Variants in PEG3 observed in about 807,000 individuals in gnomAD.
PEG3 encodes paternally expressed 3, also known as paternally-expressed gene 3 protein.
In PEG3, 23 loss-of-function variants were observed where a neutral mutation model predicts 35.5. The observed-to-expected ratio is 0.65, with a 90% CI of 0.47 to 0.92. PEG3 has a LOEUF of 0.92. PEG3 is among the 40% of genes least tolerant of loss of function. PEG3 has a pLI of 0.00. For missense variants in PEG3, 1,960 were observed against 1,985.3 expected (o/e 0.99, Z 0.24); for synonymous variants, 707 against 697.0 (o/e 1.01, Z -0.23).
In PEG3 at chr19:56,813,164, T is replaced by G; in HGVS notation, c.*511A>C. Reference sequence around the variant, plus strand: ...AATCTTTCTCAGGATCTAAGACACTTAAAAATATAATCAAATTTGTTGCTC... The same window carrying G: ...AATCTTTCTCAGGATCTAAGACACTGAAAAATATAATCAAATTTGTTGCTC... On this transcript the variant is annotated 3_prime_UTR_variant, in exon 10 of 10. Coordinates refer to ENST00000326441, the MANE Select transcript of PEG3 (RefSeq NM_006210.3). The G allele has an allele frequency of 1.0e-6, 1 of 980,852 alleles. No individual in the cohort carries two copies. The highest frequency in any genetic ancestry group is 1.2e-6 in the Non-Finnish European group (1 of 827,034). The allele number at this position is 980,852 out of a possible 1,614,324, so 60.8% of individuals were successfully genotyped here.
chr19:56,813,211 A>G lies in PEG3; in HGVS notation c.*464T>C, dbSNP rs543726728. ...GCTCTCTTCCTCCTCCAAAAAAAAA[A>G]AAAATTCAAAGAATACCAGGTAAGG... is the stretch of plus-strand genomic sequence containing the variant. On this transcript the variant is annotated 3_prime_UTR_variant, in exon 10 of 10. Coordinates refer to ENST00000326441, the MANE Select transcript of PEG3 (RefSeq NM_006210.3). The G allele has an allele frequency of 3.1e-5, 31 of 984,394 alleles. No homozygotes were observed. In the South Asian group the frequency reaches 1.3e-3, roughly 42 times the overall value. 61.0% of individuals were successfully genotyped at this position (984,394 alleles called of 1,614,324 possible).
At chr19:56,835,057 C>T (rs2061950914) in intron 2 of PEG3, among the ~76,000 whole-genome samples, 1 of 152,066 alleles carries the variant, frequency 6.6e-6, no homozygotes, top group African/African-American at 2.4e-5. Flanking sequence ...TGAGGAGTCT[C>T]CCTCCTCAAC....
At chr19:56,824,116 A>G (rs1240774393) in intron 4 of PEG3, 146 bp downstream of exon 4, 34 of 1,354,774 alleles carry the variant, frequency 2.5e-5, no homozygotes, top group Non-Finnish European at 2.0e-6. Flanking sequence ...GATGCAGCTC[A>G]ATATCCCACA....
At chr19:56,818,074 C>T (rs1444183365) in intron 8 of PEG3, among the ~76,000 whole-genome samples, 1 of 152,222 alleles carries the variant, frequency 6.6e-6, no homozygotes, top group Non-Finnish European at 1.5e-5. Flanking sequence ...CCCCACATGT[C>T]CCTGAAATCA....
At position 56,822,784 on chromosome 19, in the gene PEG3, G is replaced by T. The variant is rs781557289; in HGVS notation, c.534C>A (p.Asp178Glu). ...TTGGGTTCCTGGTGTGGGACCAGCG[G>T]TCTCGTGGCTCCATGTCTCTGCTTC... The part of the protein sequence containing the change: ...RGRSRDMEPR[D>E]RWSHTRNPRS... The change falls in exon 6 of 10, where the codon GAC (aspartate) becomes GAA (glutamate). Residue 178 changes from aspartate (D) to glutamate (E), a missense_variant. Asp to Glu is a conservative substitution (Grantham distance 45). Coordinates refer to ENST00000326441, the MANE Select transcript of PEG3 (RefSeq NM_006210.3). 1.9e-5 allele frequency: 31 copies of T among 1,614,058 alleles called. No homozygotes were observed. The East Asian group carries it at 6.7e-4, about 35-fold the overall frequency.
intron 1 of PEG3, among the ~76,000 whole-genome samples, chr19:56,836,873 G>A (rs531595485): frequency 5.3e-5 from 8 of 151,416 alleles, no homozygotes; most frequent in African/African-American, 2.4e-5. Context: ...AAGAGGCTGG[G>A]GTGGGAGAAT....
intron 9 of PEG3, 62 bp from the exon 10 acceptor site, chr19:56,817,641 G>C: frequency 6.6e-7 from 1 of 1,519,320 alleles, no homozygotes; most frequent in African/African-American, 1.4e-5. Flanking sequence ...GTGGGACTTG[G>C]AGGGGTGCAC....
Position 56,817,069 on chromosome 19 carries a change from C to T in PEG3, c.1373G>A (p.Gly458Glu), listed in dbSNP as rs778070922. ...TTCTGAGATGACACTGAACGACCTC[C>T]CACACTCATCACATACATATGGCAT... ...GAMPYVCDEC[G>E]RSFSVISEFV... Residue 458 changes from glycine (G) to glutamate (E), a missense_variant, in exon 10 of 10, where the codon GGG becomes GAG. Coordinates refer to ENST00000326441, the MANE Select transcript of PEG3 (RefSeq NM_006210.3). 2.5e-6 allele frequency: 4 copies of T among 1,614,124 alleles called. No individual in the cohort carries two copies. The South Asian group carries it at 4.4e-5, about 18-fold the overall frequency.
At position 56,824,397 on chromosome 19, in the gene PEG3, C is replaced by T. The variant is rs774637365; in HGVS notation, c.259G>A (p.Glu87Lys). 8.7e-6 allele frequency: 14 copies of T among 1,613,960 alleles called. No individual in the cohort carries two copies. Among genetic ancestry groups the T allele is most frequent in the African/African-American group, 4.0e-5 (3 of 74,902 alleles). Residue 87 changes from glutamate (E) to lysine (K), a missense_variant, in exon 4 of 10, where the codon GAG (glutamate) becomes AAG (lysine). By Grantham distance (56) the Glu-to-Lys change is moderately conservative. Around this residue, in one of 5 missense-constraint regions of PEG3, gnomAD observed 613 missense variants for 577.1 expected, o/e 1.06. Transcript: ENST00000326441. ...PETRTKEEII[E>K]LLVLEQYLTI... ...AGGTACTGCTCAAGGACCAAGAGCT[C>T]GATGATCTCCTCCTTGGTGCGGGTC...
intron 1 of PEG3, among the ~76,000 whole-genome samples, chr19:56,839,478 C>T (rs971463960): frequency 5.9e-5 from 9 of 151,694 alleles, no homozygotes; most frequent in African/African-American, 2.2e-4. Context: ...AGCCTTGCCC[C>T]GCCCCATATG....
chr19:56,815,490 G>A lies in PEG3; in HGVS notation c.2952C>T (p.Leu984=), dbSNP rs2059897153. The change falls in exon 10 of 10, where the codon CTC becomes CTT. Residue 984 remains leucine (L), a synonymous_variant. Coordinates refer to ENST00000326441, the MANE Select transcript of PEG3 (RefSeq NM_006210.3). ...CGECFAHSSD[L]TEHQKIHDRE... ...TATCATGAATCTTCTGGTGCTCAGT[G>A]AGGTCAGAGCTATGAGCAAAGCACT... 6.2e-7 allele frequency: 1 copy of A among 1,614,058 alleles called. No individual in the cohort carries two copies. The highest frequency in any genetic ancestry group is 2.2e-5 in the East Asian group (1 of 44,872).
chr19:56,836,653 G>A (rs2062139447), intron 1 of PEG3, among the ~76,000 whole-genome samples: 1 of 152,084 alleles, frequency 6.6e-6, no homozygotes, highest in Non-Finnish European at 1.5e-5. Context: ...GCATATTTTG[G>A]TGAGGTTAAA....
rs1056910323 is a variant in PEG3, at chr19:56,813,464, T to A, written c.*211A>T. On this transcript the variant is annotated 3_prime_UTR_variant, in exon 10 of 10. Coordinates refer to ENST00000326441, the MANE Select transcript of PEG3 (RefSeq NM_006210.3). The stretch of plus-strand genomic sequence containing the variant: ...AGATGTGTGCTATGGCTTTCCCACA[T>A]GCAGACACTGACATCTGAAGGGGAA... 2 of 1,390,108 alleles carry A rather than the reference T, an allele frequency of 1.4e-6. No individual in the cohort carries two copies. The allele number at this position is 1,390,108 out of a possible 1,614,324, so 86.1% of individuals were successfully genotyped here.
At chr19:56,833,254 G>A (rs552312361) in intron 2 of PEG3, 22 of 477,226 alleles carry the variant, frequency 4.6e-5, no homozygotes, top group South Asian at 3.2e-4. Flanking sequence ...TCACCATGGT[G>A]CACCTAGATT....
In PEG3 at chr19:56,812,818, T is replaced by TAA. The variant is rs11392622; in HGVS notation, c.*855_*856dup. 0.048 allele frequency: 39,868 copies of TAA among 836,710 alleles called. No individual in the cohort carries two copies. The highest frequency in any genetic ancestry group is 0.053 in the Middle Eastern group (86 of 1,638). The allele number at this position is 836,710 out of a possible 1,614,324, so 51.8% of individuals were successfully genotyped here. On this transcript the variant is annotated 3_prime_UTR_variant, in exon 10 of 10. Transcript: ENST00000326441. ...ATCATCAAACACATATTGAGTTGGT[T>TAA]AAAAAAAAAAAAAACCCAGAACACA...
Position 56,814,616 on chromosome 19 carries a change from G to T in PEG3, c.3826C>A (p.Gln1276Lys). 2 of 1,614,100 alleles carry T rather than the reference G, an allele frequency of 1.2e-6. No individual in the cohort carries two copies. Among genetic ancestry groups the T allele is most frequent in the Non-Finnish European group, 1.7e-6 (2 of 1,180,006 alleles). Residue 1276 changes from glutamine (Q) to lysine (K), a missense_variant, in exon 10 of 10, where the codon CAG (glutamine) becomes AAG (lysine). Around this residue, in one of 5 missense-constraint regions of PEG3, gnomAD observed 416 missense variants for 416.7 expected, o/e 1.00. Transcript: ENST00000326441. The surrounding 1 kb of genome is among the most constrained non-coding windows in gnomAD (Gnocchi z 5.8). ...GLALTEFQRS[Q>K]TEERLFECAV... is the part of the protein sequence containing the mutation. ...CATTCAAAGAGTCTCTCTTCGGTCT[G>T]ACTTCTCTGAAACTCAGTGAGGGCT...
chr19:56,810,932 A>G lies in PEG3; in HGVS notation c.*2743T>C, dbSNP rs749954743. On this transcript the variant is annotated 3_prime_UTR_variant, in exon 10 of 10. Transcript: ENST00000326441. ...TGTTATCAGGACATTATTATAGGGAACATTTGAAAAAATTAAAGTGAAAGT... is the reference window on the plus strand; with the variant it reads ...TGTTATCAGGACATTATTATAGGGAGCATTTGAAAAAATTAAAGTGAAAGT... 7.4e-5 allele frequency: 72 copies of G among 968,332 alleles called. No homozygotes were observed. The highest frequency in any genetic ancestry group is 8.7e-5 in the Non-Finnish European group (71 of 814,484). 60.0% of individuals were successfully genotyped at this position (968,332 alleles called of 1,614,324 possible). A position where few individuals can be genotyped will look rare whatever the true frequency, so the allele number is the denominator to read the frequency against.
intron 2 of PEG3, among the ~76,000 whole-genome samples, chr19:56,831,260 A>G (rs993292570): frequency 6.6e-6 from 1 of 152,246 alleles, no homozygotes. Context: ...CCAGAATTCA[A>G]CTGTGTAAAA....
intron 2 of PEG3, among the ~76,000 whole-genome samples, chr19:56,834,363 C>T (rs2061868788): frequency 6.6e-6 from 1 of 152,110 alleles, no homozygotes; most frequent in Admixed American, 6.5e-5. Context: ...GGCTATGTGA[C>T]AAACCAGCGC....
Sources: allele counts gnomAD v4.1 joint callset (sites outside exome capture counted in the v4.1 genomes callset), GRCh38; gene constraint gnomAD v4.1.1; regional missense constraint gnomAD v4.1.1; non-coding constraint Gnocchi (gnomAD v3.1); transcripts MANE v1.5; gene names NCBI Gene and HGNC (gene_info 2026-07-23, HGNC 2026-07-21).